Variants in CEP112 observed in about 807,000 individuals in gnomAD.
CEP112 encodes centrosomal protein of 112 kDa.
Under a neutral mutation model 153.0 loss-of-function variants are expected in CEP112, and 127 were observed. The ratio of observed to expected loss-of-function variants is 0.83; its 90% confidence interval spans 0.72 to 0.96. The LOEUF is 0.96. Among genes scored for constraint, CEP112 ranks in the 40% least tolerant of loss-of-function variants. The probability of loss-of-function intolerance (pLI) is 0.00; values close to 1 mark genes in which losing one functional copy is unlikely to be tolerated. For missense variants in CEP112, 1,089 were observed against 1,101.2 expected, an observed-to-expected ratio of 0.99 and a Z score of 0.16; for synonymous variants, 358 against 374.4, an observed-to-expected ratio of 0.96 and a Z score of 0.51.
chr17:66,097,539 C>T (rs747735873), intron 6 of CEP112, among the ~76,000 whole-genome samples: 23 of 152,154 alleles, frequency 1.5e-4, no homozygotes, highest in Non-Finnish European at 2.6e-4. Flanking sequence ...GTAACCTGTA[C>T]CTGATTCCAC....
chr17:65,967,870 A>G (rs1225157230), intron 17 of CEP112, among the ~76,000 whole-genome samples: 1 of 122,176 alleles, frequency 8.2e-6, no homozygotes, highest in Non-Finnish European at 1.8e-5. Context: ...TATTGAGAAA[A>G]TTATCCTTAA....
At chr17:65,659,015 C>CAAAAAAAAAAA (rs777326885) in intron 24 of CEP112, among the ~76,000 whole-genome samples, 1 of 55,598 alleles carries the variant, frequency 1.8e-5, no homozygotes, top group Non-Finnish European at 3.5e-5. Flanking sequence ...GACTCTGTCT[C>CAAAAAAAAAAA]AAAAAAAAAA....
intron 17 of CEP112, among the ~76,000 whole-genome samples, chr17:65,963,930 G>A (rs995732770): frequency 6.6e-6 from 1 of 152,098 alleles, no homozygotes; most frequent in African/African-American, 2.4e-5. Flanking sequence ...CTAAATCCCT[G>A]TTCCTTTATG....
At chr17:65,933,232 GAAGA>G (rs1394201776) in intron 18 of CEP112, among the ~76,000 whole-genome samples, 1 of 152,032 alleles carries the variant, frequency 6.6e-6, no homozygotes, top group African/African-American at 2.4e-5. Context: ...ATCCAAAGGA[GAAGA>G]GAGAGAGAAA....
At position 65,852,445 on chromosome 17, in the gene CEP112, TTCCC is replaced by T. The variant is rs1186410758; in HGVS notation, c.2164-415_2164-412del. On this transcript the variant is annotated intron_variant, in intron 20 of 26. Transcript: ENST00000535342. ...TCCTTCCTTCCCTCCCTTTCCTTCC[TTCCC>T]TCCCTCCCTCCCTTTCCTTCCTTCC... Among the ~76,000 whole-genome samples the T allele has an allele frequency of 1.6e-4, 11 of 69,216 alleles. No individual in the cohort carries two copies. The South Asian group carries it at 2.8e-3, about 17-fold the overall frequency. The allele number at this position is 69,216 out of a possible 152,430, so 45.4% of individuals were successfully genotyped here. A position where few individuals can be genotyped will look rare whatever the true frequency, so the allele number is the denominator to read the frequency against.
intron 21 of CEP112, among the ~76,000 whole-genome samples, chr17:65,768,543 T>C (rs1384508284): frequency 6.6e-6 from 1 of 152,128 alleles, no homozygotes; most frequent in Non-Finnish European, 1.5e-5. Flanking sequence ...TGAAGAACAT[T>C]GATGCAAAAC....
intron 20 of CEP112, among the ~76,000 whole-genome samples, chr17:65,886,093 A>G (rs900309877): frequency 1.3e-5 from 2 of 152,174 alleles, no homozygotes; most frequent in African/African-American, 2.4e-5. Flanking sequence ...TTTTCCCTTT[A>G]AAGTCCCGCC....
intron 4 of CEP112, among the ~76,000 whole-genome samples, chr17:66,149,238 A>T (rs902269167): frequency 5.9e-5 from 9 of 152,194 alleles, no homozygotes; most frequent in Non-Finnish European, 1.2e-4. Flanking sequence ...TCAGTTTACA[A>T]GTATTTTCCT....
chr17:65,696,990 G>T (rs1172260885), intron 23 of CEP112, among the ~76,000 whole-genome samples: 1 of 152,154 alleles, frequency 6.6e-6, no homozygotes, highest in Non-Finnish European at 1.5e-5. Flanking sequence ...GAAGAGACCA[G>T]GGGGGTAGGA....
At chr17:65,812,695 A>T (rs897612837) in intron 21 of CEP112, among the ~76,000 whole-genome samples, 2 of 152,226 alleles carry the variant, frequency 1.3e-5, no homozygotes, top group Non-Finnish European at 2.9e-5. Context: ...TTTACATAAA[A>T]GGCAACCTTC....
At chr17:65,986,669 T>C (rs2063419094) in intron 17 of CEP112, among the ~76,000 whole-genome samples, 1 of 95,486 alleles carries the variant, frequency 1.0e-5, no homozygotes, top group African/African-American at 5.2e-5. Flanking sequence ...CTGAGAACTA[T>C]ACGATTCATT....
intron 24 of CEP112, among the ~76,000 whole-genome samples, chr17:65,664,267 CA>C (rs1207405930): frequency 6.6e-6 from 1 of 152,028 alleles, no homozygotes; most frequent in Admixed American, 6.6e-5. Flanking sequence ...AACCATGAGC[CA>C]AGGCGAAAAT....
At chr17:66,188,661 G>C (rs2146953859) in intron 1 of CEP112, among the ~76,000 whole-genome samples, 1 of 151,776 alleles carries the variant, frequency 6.6e-6, no homozygotes, top group African/African-American at 2.4e-5. Context: ...CTAGAAGGCA[G>C]GGACCATGAT....
rs572664614 is a variant in CEP112 at position 66,175,061 on chromosome 17, C to T, written c.453G>A (p.Ser151=). ...TTACATACCTGTAGACATCAGTTGGCGACTGTACTAAAGTGTTATCTTCTC... is the reference window on the plus strand; with the variant it reads ...TTACATACCTGTAGACATCAGTTGGTGACTGTACTAAAGTGTTATCTTCTC... ...SSGEDNTLVQ[S]PTDVYSREQY... The change falls in exon 4 of 27, where the codon TCG becomes TCA. Residue 151 remains serine, a synonymous_variant. Transcript: ENST00000535342. 9 of 1,602,376 alleles carry T rather than the reference C, an allele frequency of 5.6e-6. No homozygotes were observed. Among genetic ancestry groups the T allele is most frequent in the African/African-American group, 2.7e-5 (2 of 74,518 alleles).
chr17:65,948,547 A>G (rs1392563229), intron 18 of CEP112, among the ~76,000 whole-genome samples: 2 of 150,874 alleles, frequency 1.3e-5, no homozygotes, highest in African/African-American at 4.8e-5. Flanking sequence ...AGGTAAATAT[A>G]GAACGCTGTT....
chr17:65,835,193 T>TAAAAAAAAA (rs35890393), intron 21 of CEP112, among the ~76,000 whole-genome samples: 2 of 130,860 alleles, frequency 1.5e-5, no homozygotes. Context: ...AAAATAAAAG[T>TAAAAAAAAA]AAAAAAAAAA....
rs565790835 is a variant in CEP112, at chr17:65,869,629, G to GA, written c.2164-17596dup. Among the ~76,000 whole-genome samples the GA allele has an allele frequency of 4.7e-5, 7 of 149,362 alleles. No individual in the cohort carries two copies. The East Asian group carries it at 1.4e-3, about 30-fold the overall frequency. On this transcript the variant is annotated intron_variant, in intron 20 of 26. Coordinates refer to ENST00000535342, the MANE Select transcript of CEP112 (RefSeq NM_001199165.4). ...GAGTCTCACTCTGTTGCCCAGGCTG[G>GA]AGTGCAGTGGTGTGATCTCTGCTCA...
chr17:65,916,285 G>GTGTGTGTGTGTGTA (rs1568222913), intron 19 of CEP112, among the ~76,000 whole-genome samples: 16 of 148,424 alleles, frequency 1.1e-4, no homozygotes, highest in African/African-American at 3.3e-4. Context: ...GTGTGTGTGT[G>GTGTGTGTGTGTGTA]TGTGTGTATG....
chr17:65,767,504 T>C (rs2053059078), intron 21 of CEP112, among the ~76,000 whole-genome samples: 1 of 149,336 alleles, frequency 6.7e-6, no homozygotes, highest in South Asian at 2.1e-4. Context: ...AACCCAAAGT[T>C]AGCAGAAGGA....
Sources: gnomAD v4.1 joint callset for allele counts (sites outside exome capture counted in the v4.1 genomes callset) on GRCh38, gnomAD v4.1.1 for gene constraint, MANE v1.5 for transcripts, NCBI Gene and HGNC (gene_info 2026-07-23, HGNC 2026-07-21) for gene names.